Variants in PDE11A observed in about 807,000 individuals in gnomAD.
PDE11A encodes dual 3',5'-cyclic-AMP and -GMP phosphodiesterase 11A.
In PDE11A, 100 loss-of-function variants were observed where a neutral mutation model predicts 100.5. That is an observed-to-expected ratio of 1.00 (90% CI 0.85 to 1.18). PDE11A has a LOEUF of 1.18. PDE11A is among the 50% of genes most tolerant of loss of function. PDE11A has a pLI of 0.00. For synonymous variants in PDE11A, 381 were observed against 420.8 expected (o/e 0.91, Z 1.16); for missense variants, 1,141 against 1,152.6 (o/e 0.99, Z 0.15).
At chr2:177,630,807 C>T (rs1440015408) in intron 19 of PDE11A, among the ~76,000 whole-genome samples, 1 of 151,860 alleles carries the variant, frequency 6.6e-6, no homozygotes, top group Non-Finnish European at 1.5e-5. Flanking sequence ...AGTAAAGCCA[C>T]CCATGTAAAA....
chr2:178,069,789 T>C (rs1017741418), intron 1 of PDE11A, among the ~76,000 whole-genome samples: 6 of 152,180 alleles, frequency 3.9e-5, no homozygotes, highest in Non-Finnish European at 7.3e-5. Flanking sequence ...CTAAGAATTA[T>C]GCTCTTAAAG....
chr2:177,746,931 A>G (rs760061132), intron 10 of PDE11A, among the ~76,000 whole-genome samples: 5 of 152,238 alleles, frequency 3.3e-5, no homozygotes, highest in Admixed American at 6.5e-5. Context: ...CTGAAATAAG[A>G]TAGATACCAG....
intron 12 of PDE11A, among the ~76,000 whole-genome samples, chr2:177,718,317 G>T (rs890854773): frequency 6.6e-5 from 10 of 152,152 alleles, no homozygotes; most frequent in Non-Finnish European, 1.2e-4. Flanking sequence ...AGGTAGCCTG[G>T]CTCCCCAGTC....
rs186131056 is a variant in PDE11A at position 177,694,924 on chromosome 2, A to G, written c.2345+2408T>C. Among the ~76,000 whole-genome samples, 305 of 151,776 alleles carry G rather than the reference A, an allele frequency of 2.0e-3. 2 individuals are homozygous for G. Among genetic ancestry groups the G allele is most frequent in the African/African-American group, 7.1e-3 (292 of 41,212 alleles). On this transcript the variant is annotated intron_variant, in intron 15 of 19. Transcript: ENST00000286063. Reference sequence around the variant, plus strand: ...CCTGTTCTTGTTTCATGGATGCAATATCTTAGCTCTCTGAGAATTCTAACA... The same window carrying G: ...CCTGTTCTTGTTTCATGGATGCAATGTCTTAGCTCTCTGAGAATTCTAACA...
At chr2:177,972,186 T>C (rs1420715742) in intron 2 of PDE11A, among the ~76,000 whole-genome samples, 1 of 152,114 alleles carries the variant, frequency 6.6e-6, no homozygotes, top group Non-Finnish European at 1.5e-5. Context: ...ACTTAAAAAA[T>C]GTAGACCATT....
chr2:178,092,249 A>C (rs1417830667), intron 2 of PDE11A, among the ~76,000 whole-genome samples: 15 of 152,206 alleles, frequency 9.9e-5, no homozygotes, highest in Admixed American at 9.8e-4. Context: ...TGTAGAGACT[A>C]CTGAACCACA....
chr2:177,926,400 C>A (rs1273947066), intron 2 of PDE11A, among the ~76,000 whole-genome samples: 1 of 152,124 alleles, frequency 6.6e-6, no homozygotes, highest in Admixed American at 6.5e-5. Flanking sequence ...GTCTCAGAAA[C>A]AAATTCTATG....
chr2:177,991,701 T>C (rs13023494), intron 2 of PDE11A, among the ~76,000 whole-genome samples: 8,599 of 151,392 alleles, frequency 0.057, 474 homozygotes, highest in South Asian at 0.095. Flanking sequence ...ACTCTTTTCA[T>C]ATGCAAATTA....
chr2:178,085,194 GTGC>G (rs987710600), intron 2 of PDE11A, among the ~76,000 whole-genome samples: 1 of 152,110 alleles, frequency 6.6e-6, no homozygotes, highest in African/African-American at 2.4e-5. Flanking sequence ...TAGACGTGAG[GTGC>G]TGCTATCACC....
intron 19 of PDE11A, among the ~76,000 whole-genome samples, chr2:177,641,890 G>A (rs556606642): frequency 6.6e-6 from 1 of 152,248 alleles, no homozygotes; most frequent in Admixed American, 6.5e-5. Flanking sequence ...GTATATTTGT[G>A]CTTCATATAG....
intron 15 of PDE11A, among the ~76,000 whole-genome samples, chr2:177,683,625 G>A (rs1465999407): frequency 4.6e-5 from 7 of 152,208 alleles, no homozygotes; most frequent in Non-Finnish European, 1.0e-4. Context: ...ATGGGGGCCT[G>A]TTAACAGGAA....
chr2:177,642,382 G>T (rs1369723967), intron 19 of PDE11A, among the ~76,000 whole-genome samples: 1 of 152,182 alleles, frequency 6.6e-6, no homozygotes, highest in African/African-American at 2.4e-5. Context: ...AATAAGAAAA[G>T]ACTTAGGCAG....
intron 16 of PDE11A, among the ~76,000 whole-genome samples, chr2:177,677,327 C>T (rs753366056): frequency 1.1e-4 from 16 of 152,216 alleles, no homozygotes; most frequent in African/African-American, 3.6e-4. Context: ...GGCTCAGAAA[C>T]GTTAGGTAAC....
intron 9 of PDE11A, among the ~76,000 whole-genome samples, chr2:177,808,115 C>T (rs929417960): frequency 2.0e-5 from 3 of 151,930 alleles, no homozygotes; most frequent in Non-Finnish European, 2.9e-5. Flanking sequence ...AGGGATGAAG[C>T]GAGATATTGA....
chr2:177,914,348 TA>T (rs1284563465), intron 2 of PDE11A, among the ~76,000 whole-genome samples: 1 of 152,134 alleles, frequency 6.6e-6, no homozygotes, highest in Non-Finnish European at 1.5e-5. Flanking sequence ...GCCTACAAGC[TA>T]TGAGCGCTTT....
chr2:177,952,785 C>T (rs561955663), intron 2 of PDE11A, among the ~76,000 whole-genome samples: 32 of 152,212 alleles, frequency 2.1e-4, no homozygotes, highest in African/African-American at 4.3e-4. Context: ...TTCTGTGGTT[C>T]GCCCCCACTC....
rs184911343 is a variant in PDE11A at position 178,059,314 on chromosome 2, C to A, written c.912+12212G>T. On this transcript the variant is annotated intron_variant, in intron 1 of 19. Transcript: ENST00000286063. The stretch of plus-strand genomic sequence containing the variant: ...GTCCCTGGGTAGGGAAAGGCCCTGG[C>A]CATCTTGGGATGTCCCCACCCCAGG... Among the ~76,000 whole-genome samples, 22 of 152,058 alleles carry A rather than the reference C, an allele frequency of 1.4e-4. 1 individual carries two copies. Among genetic ancestry groups the A allele is most frequent in the Admixed American group, 1.4e-3 (22 of 15,280 alleles).
chr2:178,057,926 C>T (rs546826742), intron 1 of PDE11A, among the ~76,000 whole-genome samples: 40 of 152,180 alleles, frequency 2.6e-4, no homozygotes, highest in Non-Finnish European at 4.3e-4. Flanking sequence ...GGCGTGATCT[C>T]GGCTCACTGC....
chr2:177,940,156 A>C (rs532228345), intron 2 of PDE11A, among the ~76,000 whole-genome samples: 2 of 152,254 alleles, frequency 1.3e-5, no homozygotes, highest in South Asian at 4.1e-4. Flanking sequence ...ATGGTTGTAC[A>C]ACTGGGGGAT....
Sources: allele counts gnomAD v4.1 joint callset (sites outside exome capture counted in the v4.1 genomes callset), GRCh38; gene constraint gnomAD v4.1.1; transcripts MANE v1.5; gene names NCBI Gene and HGNC (gene_info 2026-07-23, HGNC 2026-07-21).